The following TCF12 variants were observed in gnomAD, a reference collection of about 807,000 sequenced individuals.
TCF12 encodes the protein transcription factor 12.
TCF12 carries 45 observed loss-of-function variants against 86.0 expected under a neutral mutation model. The ratio of observed to expected loss-of-function variants is 0.52; its 90% CI spans 0.41 to 0.67. The LOEUF is 0.67. Among genes scored for constraint, TCF12 ranks in the 30% least tolerant of loss-of-function variants. TCF12 has a pLI of 0.00. For missense variants in TCF12, 881 were observed against 859.9 expected (o/e 1.02, Z -0.31); for synonymous variants, 330 against 299.6 (o/e 1.10, Z -1.05).
At chr15:57,079,068 G>A (rs1350054805) in intron 4 of TCF12, among the ~76,000 whole-genome samples, 1 of 152,142 alleles carries the variant, frequency 6.6e-6, no homozygotes, top group Non-Finnish European at 1.5e-5. Flanking sequence ...TTTGTATTGG[G>A]TGCAAATACA....
intron 5 of TCF12, among the ~76,000 whole-genome samples, chr15:57,093,252 A>T (rs554283433): frequency 6.6e-6 from 1 of 152,208 alleles, no homozygotes; most frequent in African/African-American, 2.4e-5. Context: ...TAAATTTTCA[A>T]TTGAGCTTGC....
In TCF12 at chr15:57,222,998, C is replaced by T. The variant is rs563912144; in HGVS notation, c.580-8154C>T. On this transcript the variant is annotated intron_variant, in intron 8 of 20. Transcript: ENST00000333725. ...TCCAAGTTTTAAAATTCAAGCTAGA[C>T]GCACATTTTGAATATTAAGCTTCTT... Among the ~76,000 whole-genome samples the T allele has an allele frequency of 1.4e-4, 21 of 151,134 alleles. No individual in the cohort carries two copies. The East Asian group carries it at 1.9e-3, about 14-fold the overall frequency.
intron 3 of TCF12, among the ~76,000 whole-genome samples, chr15:56,943,545 G>A (rs970313719): frequency 1.3e-5 from 2 of 152,174 alleles, no homozygotes; most frequent in African/African-American, 4.8e-5. Context: ...ACTCTTTGAA[G>A]CTGATTCAGT....
chr15:57,210,752 A>G (rs1406655235), intron 8 of TCF12, among the ~76,000 whole-genome samples: 1 of 152,214 alleles, frequency 6.6e-6, no homozygotes, highest in South Asian at 2.1e-4. Flanking sequence ...TCGCGCACCT[A>G]TAAAGTTACT....
Position 57,084,788 on chromosome 15 carries a change from ATAAATGTATAT to A in TCF12, c.223-6976_223-6966del, listed in dbSNP as rs549479550. ...GAAAATTGTATATTAATTGTATATTATAAATGTATATTAAATGTATATTAAATGTATATTAT... is the reference window on the plus strand; with the variant it reads ...GAAAATTGTATATTAATTGTATATTATAAATGTATATTAAATGTATATTAT... On this transcript the variant is annotated intron_variant, in intron 4 of 20. Transcript: ENST00000333725. 6.1e-3 allele frequency among the ~76,000 whole-genome samples: 932 copies of A among 152,146 alleles called. 9 individuals carry two copies. Among genetic ancestry groups the A allele is most frequent in the African/African-American group, 0.019 (799 of 41,530 alleles).
chr15:57,160,746 G>A lies in TCF12; in HGVS notation c.326-5656G>A, dbSNP rs112016696. On this transcript the variant is annotated intron_variant, in intron 5 of 20. Transcript: ENST00000333725. ...CTCACTCTGTCTCCTAGGCTGAAAT[G>A]CAGTGGCATGATCATAGCTCACTGC... 3.0e-3 allele frequency among the ~76,000 whole-genome samples: 456 copies of A among 152,174 alleles called. 1 individual carries two copies. Among genetic ancestry groups the A allele is most frequent in the African/African-American group, 0.011 (439 of 41,504 alleles).
chr15:56,953,578 C>G (rs1284492301), intron 3 of TCF12, among the ~76,000 whole-genome samples: 1 of 151,876 alleles, frequency 6.6e-6, no homozygotes, highest in East Asian at 1.9e-4. Context: ...AGGTTTTAAA[C>G]TACAAGTTTA....
At chr15:57,030,790 T>C (rs1480969600) in intron 3 of TCF12, among the ~76,000 whole-genome samples, 1 of 152,238 alleles carries the variant, frequency 6.6e-6, no homozygotes, top group Non-Finnish European at 1.5e-5. Context: ...GATTCAGTTC[T>C]TAGTAACTTG....
intron 3 of TCF12, among the ~76,000 whole-genome samples, chr15:57,001,718 G>A (rs2566846): frequency 0.21 from 31,391 of 151,996 alleles, 3,404 homozygotes; most frequent in Non-Finnish European, 0.24. Context: ...TTTTTTGTCA[G>A]TAAAATTTCT....
intron 18 of TCF12, among the ~76,000 whole-genome samples, chr15:57,264,195 C>CTT (rs770642915): frequency 0.25 from 12,137 of 48,534 alleles, 3,894 homozygotes; most frequent in Non-Finnish European, 0.29. Context: ...CTTTTGTAAG[C>CTT]TTTTTTTTTT....
intron 3 of TCF12, among the ~76,000 whole-genome samples, chr15:56,976,484 G>A (rs751596382): frequency 2.0e-5 from 3 of 151,348 alleles, no homozygotes; most frequent in African/African-American, 2.4e-5. Context: ...TCATCCGCCC[G>A]CCTCGGCCTC....
chr15:57,148,003 C>T (rs1337343520), intron 5 of TCF12, among the ~76,000 whole-genome samples: 4 of 151,308 alleles, frequency 2.6e-5, no homozygotes, highest in East Asian at 2.0e-4. Flanking sequence ...CCTCAGCCTT[C>T]GAATAGCTGG....
intron 5 of TCF12, among the ~76,000 whole-genome samples, chr15:57,155,228 C>T (rs1211579932): frequency 1.3e-5 from 2 of 151,860 alleles, no homozygotes; most frequent in Non-Finnish European, 2.9e-5. Context: ...TCCTTCATTC[C>T]TCATTCCTCC....
At position 57,051,487 on chromosome 15, in the gene TCF12, T is replaced by C. The variant is rs2585106; in HGVS notation, c.149-12263T>C. 1.7e-3 allele frequency among the ~76,000 whole-genome samples: 265 copies of C among 152,176 alleles called. 1 individual carries two copies. Among genetic ancestry groups the C allele is most frequent in the African/African-American group, 6.0e-3 (251 of 41,524 alleles). ...TGGATGCTGCCTTTTCTGCCTCCTC[T>C]CCTTCTTTTTTTTTTAAGTAGAGAT... On this transcript the variant is annotated intron_variant, in intron 3 of 20. Coordinates refer to ENST00000333725, the MANE Select transcript of TCF12 (RefSeq NM_207037.2).
At chr15:56,986,276 G>A (rs2063174708) in intron 3 of TCF12, among the ~76,000 whole-genome samples, 1 of 152,102 alleles carries the variant, frequency 6.6e-6, no homozygotes, top group Admixed American at 6.5e-5. Flanking sequence ...GGTTTTTGGT[G>A]TGTATGTTAT....
intron 6 of TCF12, among the ~76,000 whole-genome samples, chr15:57,185,004 C>A (rs368646290): frequency 3.6e-4 from 55 of 152,244 alleles, no homozygotes; most frequent in African/African-American, 1.3e-3. Flanking sequence ...CTGATAATTA[C>A]ATCTTTCTCT....
intron 13 of TCF12, 95 bp from the exon 14 acceptor site, chr15:57,251,255 T>G: frequency 9.9e-7 from 1 of 1,008,388 alleles, no homozygotes; most frequent in Non-Finnish European, 1.5e-6. Flanking sequence ...TCATGTAAAT[T>G]TATTTAGTTA....
At position 57,044,704 on chromosome 15, in the gene TCF12, C is replaced by T. The variant is rs144009516; in HGVS notation, c.149-19046C>T. ...TGCTGACTTTAGTCATGTGATTTTTCAGGTAATTTTTTTTTTATAAGACTG... is the reference window on the plus strand; with the variant it reads ...TGCTGACTTTAGTCATGTGATTTTTTAGGTAATTTTTTTTTTATAAGACTG... On this transcript the variant is annotated intron_variant, in intron 3 of 20. Transcript: ENST00000333725. 3.3e-3 allele frequency among the ~76,000 whole-genome samples: 498 copies of T among 150,730 alleles called. 2 individuals are homozygous for T. The highest frequency in any genetic ancestry group is 0.012 in the African/African-American group (482 of 40,698).
intron 3 of TCF12, among the ~76,000 whole-genome samples, chr15:56,951,748 C>T (rs1438377369): frequency 6.6e-6 from 1 of 152,180 alleles, no homozygotes; most frequent in Non-Finnish European, 1.5e-5. Context: ...CATCCAGGCT[C>T]AAGCAATCCT....
Sources: gnomAD v4.1 joint callset for allele counts (sites outside exome capture counted in the v4.1 genomes callset) on GRCh38, gnomAD v4.1.1 for gene constraint, MANE v1.5 for transcripts, NCBI Gene and HGNC (gene_info 2026-07-23, HGNC 2026-07-21) for gene names.